MARCHF8: variants seen among roughly 807,000 people sequenced by gnomAD.
MARCHF8 encodes the protein membrane associated ring-CH-type finger 8, also known as E3 ubiquitin-protein ligase MARCHF8.
Under a neutral mutation model 51.6 loss-of-function variants are expected in MARCHF8, and 40 were observed. The ratio of observed to expected loss-of-function variants is 0.77; its 90% confidence interval spans 0.60 to 1.01. MARCHF8 has a LOEUF of 1.01. Ranked by LOEUF, MARCHF8 falls within the 50% of genes least tolerant of loss-of-function variation. The probability of loss-of-function intolerance (pLI) is 0.00; values close to 1 mark genes in which losing one functional copy is unlikely to be tolerated. For missense variants in MARCHF8, 685 were observed against 708.6 expected, an observed-to-expected ratio of 0.97 and a Z score of 0.38; for synonymous variants, 263 against 280.3, an observed-to-expected ratio of 0.94 and a Z score of 0.62.
At chr10:45,587,040 G>C (rs1304334754) in intron 1 of MARCHF8, among the ~76,000 whole-genome samples, 10 of 152,058 alleles carry the variant, frequency 6.6e-5, no homozygotes. Flanking sequence ...CCCTCAAATT[G>C]ACAACAGGAC....
chr10:45,582,841 A>G (rs2044570162), intron 1 of MARCHF8, among the ~76,000 whole-genome samples: 1 of 152,234 alleles, frequency 6.6e-6, no homozygotes. Flanking sequence ...ATACATAAGA[A>G]AGGAAATGTA....
rs149916205 is a variant in MARCHF8 at position 45,489,754 on chromosome 10, T to C, written c.103-337A>G. On this transcript the variant is annotated intron_variant, in intron 2 of 7. Coordinates refer to ENST00000453424, the MANE Select transcript of MARCHF8 (RefSeq NM_001282866.2). ...TTTCACGTGAAAGTTCAGATGGTGA[T>C]AAGTGTCTTAAGACACATTTCAAGT... Among the ~76,000 whole-genome samples, 669 of 152,326 alleles carry C rather than the reference T, an allele frequency of 4.4e-3. 4 individuals carry two copies. Among genetic ancestry groups the C allele is most frequent in the African/African-American group, 0.015 (638 of 41,576 alleles).
intron 1 of MARCHF8, among the ~76,000 whole-genome samples, chr10:45,571,629 T>C (rs531142399): frequency 1.3e-5 from 2 of 151,186 alleles, no homozygotes; most frequent in East Asian, 2.0e-4. Flanking sequence ...CCTGTCCTCC[T>C]GCTCTTTGCT....
In MARCHF8 at chr10:45,463,519, G is replaced by A; in HGVS notation, c.720C>T (p.Gly240=). 1 of 1,550,644 alleles carries A rather than the reference G, an allele frequency of 6.4e-7. No individual in the cohort carries two copies. The highest frequency in any genetic ancestry group is 1.2e-5 in the South Asian group (1 of 84,066). ...CATCCGCCTTCTCTTCCAGCAGCAG[G>A]CCGGGCCTGCCCCCCTTGCCAGCTT... ...EVEAGKGGRP[G]LLLEEKADGE... Residue 240 remains glycine (G), a synonymous_variant, in exon 5 of 8, where the codon GGC becomes GGT. Transcript: ENST00000453424.
intron 1 of MARCHF8, among the ~76,000 whole-genome samples, chr10:45,566,479 T>C (rs1022233868): frequency 6.6e-6 from 1 of 152,126 alleles, no homozygotes; most frequent in African/African-American, 2.4e-5. Flanking sequence ...ATGAGTTCAA[T>C]TGTCTTGATT....
At chr10:45,506,823 A>T (rs1005717414) in intron 2 of MARCHF8, among the ~76,000 whole-genome samples, 8 of 151,898 alleles carry the variant, frequency 5.3e-5, no homozygotes, top group African/African-American at 1.7e-4. Context: ...GTAGTGGAAA[A>T]TTTTCACTTC....
At position 45,533,289 on chromosome 10, in the gene MARCHF8, G is replaced by C; in HGVS notation, c.-78C>G. 6.7e-7 allele frequency: 1 copy of C among 1,483,828 alleles called. No individual in the cohort carries two copies. The highest frequency in any genetic ancestry group is 2.6e-5 in the Admixed American group (1 of 37,916). The allele number at this position is 1,483,828 out of a possible 1,614,324, so 91.9% of individuals were successfully genotyped here. On this transcript the variant is annotated splice_region_variant and 5_prime_UTR_variant, in exon 2 of 8. Coordinates refer to ENST00000453424, the MANE Select transcript of MARCHF8 (RefSeq NM_001282866.2). ...AGTCATTTTGGGCCATGGATTTCAA[G>C]CTGAGAGAAAATGAAGAGAGAATAA...
At chr10:45,557,116 CTTTTTTTTTTTTTTTTTT>C (rs58172142) in intron 1 of MARCHF8, among the ~76,000 whole-genome samples, 1 of 66,208 alleles carries the variant, frequency 1.5e-5, no homozygotes, top group African/African-American at 6.5e-5. Context: ...GGTGCCTATT[CTTTTTTTTTTTTTTTTTT>C]TTTTTTTTTG....
intron 2 of MARCHF8, among the ~76,000 whole-genome samples, chr10:45,517,410 G>A (rs2043637951): frequency 6.6e-6 from 1 of 152,146 alleles, no homozygotes; most frequent in African/African-American, 2.4e-5. Context: ...GGATCATGGG[G>A]GCTGATCCCT....
chr10:45,576,157 GACAA>G (rs1209733031), intron 1 of MARCHF8, among the ~76,000 whole-genome samples: 6 of 152,148 alleles, frequency 3.9e-5, no homozygotes, highest in African/African-American at 1.4e-4. Flanking sequence ...CTGGCCTAAA[GACAA>G]ACAAACAGAT....
intron 3 of MARCHF8, among the ~76,000 whole-genome samples, chr10:45,473,301 C>T (rs575364232): frequency 6.6e-6 from 1 of 152,320 alleles, no homozygotes; most frequent in South Asian, 2.1e-4. Flanking sequence ...CAGTCTGATT[C>T]TACCCAGGAA....
At chr10:45,511,376 GCCCTCT>G (rs111486746) in intron 2 of MARCHF8, among the ~76,000 whole-genome samples, 10,418 of 151,960 alleles carry the variant, frequency 0.069, 391 homozygotes, top group East Asian at 0.1. Context: ...ATAACACTGT[GCCCTCT>G]CCCTCTCCCT....
chr10:45,576,985 A>G (rs1318921726), intron 1 of MARCHF8, among the ~76,000 whole-genome samples: 1 of 139,624 alleles, frequency 7.2e-6, no homozygotes, highest in Admixed American at 7.0e-5. Context: ...AAAAAAAAAA[A>G]AAAAAGAAAC....
intron 1 of MARCHF8, among the ~76,000 whole-genome samples, chr10:45,564,776 G>A (rs2044346532): frequency 6.6e-6 from 1 of 151,660 alleles, no homozygotes; most frequent in African/African-American, 2.4e-5. Flanking sequence ...ACAGTAATAT[G>A]ACGGCCAGCT....
intron 2 of MARCHF8, among the ~76,000 whole-genome samples, chr10:45,493,785 T>G (rs2043125517): frequency 6.6e-6 from 1 of 152,212 alleles, no homozygotes; most frequent in Admixed American, 6.5e-5. Context: ...TTTTGTTTGT[T>G]TGTTTTTAAG....
At chr10:45,533,974 G>A (rs2043932871) in intron 1 of MARCHF8, among the ~76,000 whole-genome samples, 1 of 152,172 alleles carries the variant, frequency 6.6e-6, no homozygotes, top group Non-Finnish European at 1.5e-5. Context: ...ACGAGGTCAG[G>A]AGATCGAGAC....
intron 1 of MARCHF8, among the ~76,000 whole-genome samples, chr10:45,569,918 G>A (rs547610608): frequency 2.0e-4 from 30 of 152,062 alleles, no homozygotes; most frequent in Non-Finnish European, 4.4e-5. Context: ...ATAAAGACAC[G>A]GGTTAAAATA....
At chr10:45,553,814 T>A (rs957366983) in intron 1 of MARCHF8, among the ~76,000 whole-genome samples, 41 of 148,406 alleles carry the variant, frequency 2.8e-4, no homozygotes, top group African/African-American at 1.0e-3. Flanking sequence ...ACTATACGTG[T>A]GTGCACATGC....
At chr10:45,560,940 A>C (rs2044303658) in intron 1 of MARCHF8, among the ~76,000 whole-genome samples, 1 of 152,210 alleles carries the variant, frequency 6.6e-6, no homozygotes, top group South Asian at 2.1e-4. Context: ...AGGATAAGAT[A>C]TGTTTAAACA....
Sources: allele counts gnomAD v4.1 joint callset (sites outside exome capture counted in the v4.1 genomes callset), GRCh38; gene constraint gnomAD v4.1.1; transcripts MANE v1.5; gene names NCBI Gene and HGNC (gene_info 2026-07-23, HGNC 2026-07-21).